NELL2: variants seen among roughly 807,000 people sequenced by gnomAD.
NELL2 encodes the protein neural EGFL like 2.
A neutral mutation model predicts 109.6 loss-of-function variants in NELL2; 41 were observed. The ratio of observed to expected loss-of-function variants is 0.37; its 90% CI spans 0.29 to 0.49. The LOEUF (loss-of-function observed/expected upper bound fraction) is 0.49, where lower values mean the gene tolerates loss of function less well. Among genes scored for constraint, NELL2 ranks in the 20% least tolerant of loss-of-function variants. NELL2 has a pLI of 0.98. For synonymous variants in NELL2, 355 were observed against 344.7 expected, an observed-to-expected ratio of 1.03 and a Z score of -0.33; for missense variants, 900 against 1,008.3, an observed-to-expected ratio of 0.89 and a Z score of 1.45.
At chr12:44,541,093 G>C (rs917901942) in intron 15 of NELL2, among the ~76,000 whole-genome samples, 1 of 150,696 alleles carries the variant, frequency 6.6e-6, no homozygotes, top group Non-Finnish European at 1.5e-5. Flanking sequence ...AAAAAAAGTA[G>C]AAAAAAAATT....
intron 2 of NELL2, among the ~76,000 whole-genome samples, chr12:44,839,003 C>T (rs1027321579): frequency 2.6e-5 from 4 of 152,194 alleles, no homozygotes; most frequent in Non-Finnish European, 1.5e-5. Flanking sequence ...CTGATAACTG[C>T]AAGATGGCAA....
intron 9 of NELL2, among the ~76,000 whole-genome samples, chr12:44,720,947 C>T (rs1025736066): frequency 6.6e-6 from 1 of 152,078 alleles, no homozygotes; most frequent in Non-Finnish European, 1.5e-5. Flanking sequence ...AGAGAACAGG[C>T]CCTGAAATAC....
intron 1 of NELL2, among the ~76,000 whole-genome samples, chr12:44,881,498 CA>C (rs1236159071): frequency 6.6e-6 from 1 of 151,624 alleles, no homozygotes; most frequent in Non-Finnish European, 1.5e-5. Context: ...AATAAACAAA[CA>C]AAAATCATTA....
chr12:44,519,371 T>C (rs537723669), intron 19 of NELL2, among the ~76,000 whole-genome samples: 1 of 152,370 alleles, frequency 6.6e-6, no homozygotes, highest in African/African-American at 2.4e-5. Context: ...GCTCTGCCTA[T>C]ATTCATTGTA....
At chr12:44,624,475 C>T (rs1170146516) in intron 13 of NELL2, among the ~76,000 whole-genome samples, 1 of 152,066 alleles carries the variant, frequency 6.6e-6, no homozygotes, top group Admixed American at 6.6e-5. Context: ...CCAGCACCTC[C>T]CTCCTCACTA....
chr12:44,709,164 A>C (rs1442865979), intron 11 of NELL2, among the ~76,000 whole-genome samples: 1 of 152,090 alleles, frequency 6.6e-6, no homozygotes, highest in Non-Finnish European at 1.5e-5. Flanking sequence ...AAAAGTGGTC[A>C]CAATTTTGCA....
intron 16 of NELL2, among the ~76,000 whole-genome samples, chr12:44,531,732 T>C (rs985839863): frequency 2.6e-5 from 4 of 152,234 alleles, no homozygotes; most frequent in Non-Finnish European, 4.4e-5. Context: ...AAAGCTTTCA[T>C]TGACTGTGTC....
At chr12:44,921,508 T>C (rs1447884398) in intron 1 of NELL2, among the ~76,000 whole-genome samples, 2 of 152,170 alleles carry the variant, frequency 1.3e-5, no homozygotes, top group African/African-American at 4.8e-5. Context: ...ACATGTAATG[T>C]AACCTCTGTG....
chr12:44,601,837 A>G (rs1242142081), intron 15 of NELL2, among the ~76,000 whole-genome samples: 1 of 152,162 alleles, frequency 6.6e-6, no homozygotes, highest in African/African-American at 2.4e-5. Flanking sequence ...AAAAAAGGAA[A>G]TAACATGAAA....
intron 9 of NELL2, among the ~76,000 whole-genome samples, chr12:44,774,263 G>A (rs1378909198): frequency 1.3e-5 from 2 of 152,180 alleles, no homozygotes; most frequent in Non-Finnish European, 1.5e-5. Flanking sequence ...ATGGTGGTGT[G>A]AGCCTTTTTT....
At chr12:44,913,356 T>G (rs1371672117) in intron 1 of NELL2, among the ~76,000 whole-genome samples, 2 of 152,196 alleles carry the variant, frequency 1.3e-5, no homozygotes, top group Admixed American at 1.3e-4. Flanking sequence ...AACAGCAGGA[T>G]GCAGAAATAA....
At chr12:44,824,787 C>T (rs376277799) in intron 2 of NELL2, among the ~76,000 whole-genome samples, 6 of 149,412 alleles carry the variant, frequency 4.0e-5, no homozygotes, top group Non-Finnish European at 8.9e-5. Context: ...CTCGGCTAAT[C>T]GCAAGCTCCG....
In NELL2 at chr12:44,656,546, T is replaced by C. The variant is rs116963166; in HGVS notation, c.1444+8938A>G. ...TCACAATAAAAACAGCTAGTGTTCA[T>C]TAAACATTTCTTTTGCAGTAAGCAT... is the stretch of plus-strand genomic sequence containing the variant. On this transcript the variant is annotated intron_variant, in intron 13 of 19. Transcript: ENST00000429094. Among the ~76,000 whole-genome samples, 183 of 152,366 alleles carry C rather than the reference T, an allele frequency of 1.2e-3. 3 individuals carry two copies. The East Asian group carries it at 0.026, about 22-fold the overall frequency.
chr12:44,791,656 A>C (rs1428598027), intron 3 of NELL2, among the ~76,000 whole-genome samples: 2 of 151,770 alleles, frequency 1.3e-5, no homozygotes, highest in African/African-American at 4.9e-5. Flanking sequence ...AAAATAGTGG[A>C]GCTGGAGCTT....
intron 1 of NELL2, among the ~76,000 whole-genome samples, chr12:44,906,857 T>G (rs762371095): frequency 2.6e-5 from 4 of 152,246 alleles, no homozygotes; most frequent in Admixed American, 2.0e-4. Context: ...AATATGTATC[T>G]GGGACTCATA....
intron 13 of NELL2, among the ~76,000 whole-genome samples, chr12:44,618,582 C>T (rs1241936019): frequency 6.6e-6 from 1 of 152,070 alleles, no homozygotes; most frequent in Non-Finnish European, 1.5e-5. Context: ...AATCTTGTAA[C>T]CAGATAGATT....
At chr12:44,656,959 G>A (rs75866121) in intron 13 of NELL2, among the ~76,000 whole-genome samples, 7 of 152,202 alleles carry the variant, frequency 4.6e-5, no homozygotes, top group East Asian at 1.9e-4. Context: ...TCAACATATC[G>A]TTTCTTTAAA....
At chr12:44,541,346 G>T (rs887628415) in intron 15 of NELL2, among the ~76,000 whole-genome samples, 7 of 151,194 alleles carry the variant, frequency 4.6e-5, no homozygotes, top group African/African-American at 1.7e-4. Flanking sequence ...AGATTTGAGA[G>T]AATATTTCAT....
chr12:44,842,104 G>GAA, intron 2 of NELL2, among the ~76,000 whole-genome samples: 1 of 122,628 alleles, frequency 8.2e-6, no homozygotes, highest in Non-Finnish European at 1.8e-5. Flanking sequence ...AGGGAGGGAG[G>GAA]GAGGGAGGAA....
Sources: allele counts gnomAD v4.1 joint callset (sites outside exome capture counted in the v4.1 genomes callset), GRCh38; gene constraint gnomAD v4.1.1; transcripts MANE v1.5; gene names NCBI Gene and HGNC (gene_info 2026-07-23, HGNC 2026-07-21).